Variants in LDHC observed in about 807,000 individuals in gnomAD.
LDHC encodes the protein L-lactate dehydrogenase C chain.
In LDHC, 20 loss-of-function variants were observed where a neutral mutation model predicts 30.2. The observed-to-expected ratio is 0.66, with a 90% confidence interval of 0.47 to 0.96. The LOEUF (loss-of-function observed/expected upper bound fraction) is 0.96. Among genes scored for constraint, LDHC ranks in the 40% least tolerant of loss-of-function variants. The probability of loss-of-function intolerance (pLI) is 0.00; values close to 1 mark genes in which losing one functional copy is unlikely to be tolerated. For missense variants in LDHC, 362 were observed against 394.9 expected, an observed-to-expected ratio of 0.92 and a Z score of 0.71; for synonymous variants, 139 against 132.7, an observed-to-expected ratio of 1.05 and a Z score of -0.32.
At chr11:18,429,116 C>CTTTTTTTTTTTTTTTTTT in intron 3 of LDHC, among the ~76,000 whole-genome samples, 1 of 93,924 alleles carries the variant, frequency 1.1e-5, no homozygotes, top group Non-Finnish European at 1.9e-5. Context: ...TCATTTTGGT[C>CTTTTTTTTTTTTTTTTTT]TTTTTTTTTT....
intron 6 of LDHC, among the ~76,000 whole-genome samples, chr11:18,442,993 G>A (rs983661988): frequency 6.6e-6 from 1 of 151,952 alleles, no homozygotes; most frequent in Non-Finnish European, 1.5e-5. Context: ...ATTTCCATAA[G>A]TATCACATCA....
At position 18,412,706 on chromosome 11, in the gene LDHC, C is replaced by T. The variant is rs1197845003; in HGVS notation, c.-9-3C>T. ...TCCAATGAAATTGCATTATCCCTAT[C>T]AGGTTCTCCAAATGTCAACTGTCAA... is the stretch of plus-strand genomic sequence containing the variant. On this transcript the variant is annotated splice_polypyrimidine_tract_variant and splice_region_variant and intron_variant, in intron 1 of 7. Transcript: ENST00000541669. The T allele has an allele frequency of 1.2e-6, 2 of 1,612,332 alleles. No individual in the cohort carries two copies. Among genetic ancestry groups the T allele is most frequent in the East Asian group, 4.5e-5 (2 of 44,866 alleles).
intron 7 of LDHC, 47 bp from the exon 8 acceptor site, chr11:18,450,916 C>G (rs1439157598): frequency 7.1e-7 from 1 of 1,410,754 alleles, no homozygotes; most frequent in Admixed American, 2.3e-5. Context: ...TGCATAGCTG[C>G]TTTTCCATAT....
chr11:18,432,343 A>G (rs112088302), intron 4 of LDHC, among the ~76,000 whole-genome samples: 2,042 of 151,958 alleles, frequency 0.013, 52 homozygotes, highest in African/African-American at 0.046. Flanking sequence ...TATAATTTCA[A>G]TTTTCTTAAA....
intron 2 of LDHC, among the ~76,000 whole-genome samples, chr11:18,413,961 G>T (rs113143983): frequency 6.6e-6 from 1 of 152,178 alleles, no homozygotes; most frequent in African/African-American, 2.4e-5. Context: ...AGGTACTACC[G>T]GATTCTGAAG....
At chr11:18,421,895 G>A (rs929513513) in intron 3 of LDHC, among the ~76,000 whole-genome samples, 1 of 151,792 alleles carries the variant, frequency 6.6e-6, no homozygotes, top group Non-Finnish European at 1.5e-5. Flanking sequence ...AGGCCAACGC[G>A]GGCGAATCAT....
intron 7 of LDHC, among the ~76,000 whole-genome samples, chr11:18,449,910 A>T (rs1316696278): frequency 6.6e-6 from 1 of 152,098 alleles, no homozygotes. Context: ...CATTCCTGGT[A>T]ACTGTTTATA....
At chr11:18,435,570 C>A (rs1848342686) in intron 5 of LDHC, among the ~76,000 whole-genome samples, 1 of 152,066 alleles carries the variant, frequency 6.6e-6, no homozygotes, top group Admixed American at 6.6e-5. Context: ...AACCTCTTTT[C>A]TTTGTAAGTT....
chr11:18,434,861 C>A lies in LDHC; in HGVS notation c.540C>A (p.Val180=). The A allele has an allele frequency of 1.2e-6, 2 of 1,612,918 alleles. No homozygotes were observed. Among genetic ancestry groups the A allele is most frequent in the Non-Finnish European group, 1.7e-6 (2 of 1,178,934 alleles). The change falls in exon 5 of 8, where the codon GTC becomes GTA. Residue 180 remains valine (V), a synonymous_variant. Transcript: ENST00000541669. The part of the protein sequence containing the change: ...FRYLIGEKLG[V]HPTSCHGWII... ...ACCTAATTGGAGAAAAGTTGGGTGT[C>A]CACCCCACAAGCTGCCATGGTTGGA...
At chr11:18,439,563 CAAA>C (rs34511927) in intron 6 of LDHC, among the ~76,000 whole-genome samples, 29 of 59,354 alleles carry the variant, frequency 4.9e-4, no homozygotes, top group African/African-American at 1.5e-3. Context: ...AACTCCATCT[CAAA>C]AAAAAAAAAA....
chr11:18,433,193 C>T (rs1848298351), intron 4 of LDHC, among the ~76,000 whole-genome samples: 1 of 152,100 alleles, frequency 6.6e-6, no homozygotes, highest in Non-Finnish European at 1.5e-5. Context: ...CAAGACCAGC[C>T]TGCCCAACAT....
chr11:18,423,040 G>A (rs1265069103), intron 3 of LDHC, among the ~76,000 whole-genome samples: 1 of 151,560 alleles, frequency 6.6e-6, no homozygotes, highest in Admixed American at 6.6e-5. Context: ...ATAAATGAGG[G>A]GAGGCTGGGC....
chr11:18,413,903 A>G (rs1195115244), intron 2 of LDHC, among the ~76,000 whole-genome samples: 1 of 152,266 alleles, frequency 6.6e-6, no homozygotes. Context: ...GTAAGCAGAA[A>G]AAGACGAAAT....
intron 6 of LDHC, among the ~76,000 whole-genome samples, chr11:18,440,200 G>A (rs1848440944): frequency 6.6e-6 from 1 of 150,400 alleles, no homozygotes; most frequent in Non-Finnish European, 1.5e-5. Flanking sequence ...TGTAATCCCA[G>A]CTACTCAGGA....
At chr11:18,430,185 A>G (rs1424694617) in intron 4 of LDHC, among the ~76,000 whole-genome samples, 1 of 152,170 alleles carries the variant, frequency 6.6e-6, no homozygotes, top group Non-Finnish European at 1.5e-5. Flanking sequence ...TTTTATATGA[A>G]TGAAATCATG....
intron 5 of LDHC, among the ~76,000 whole-genome samples, chr11:18,436,546 G>A (rs1042029556): frequency 3.5e-5 from 5 of 143,656 alleles, no homozygotes; most frequent in Non-Finnish European, 7.5e-5. Flanking sequence ...GAGTGCAATG[G>A]TGTGATCTCG....
At chr11:18,416,676 CCCCTTCCCTTCCATCTTCCCCTT>C (rs1867028101) in intron 3 of LDHC, among the ~76,000 whole-genome samples, 1 of 150,880 alleles carries the variant, frequency 6.6e-6, no homozygotes, top group Admixed American at 6.6e-5. Flanking sequence ...CCATCCCTTC[CCCCTTCCCTTCCATCTTCCCCTT>C]CCCTTCCTTT....
intron 6 of LDHC, among the ~76,000 whole-genome samples, chr11:18,439,829 A>C (rs111958717): frequency 7.8e-5 from 9 of 114,844 alleles, no homozygotes; most frequent in South Asian, 2.7e-4. Flanking sequence ...AAAAAAAAAA[A>C]AAAAAAACAA....
chr11:18,443,460 CTTTT>C (rs34546967), intron 6 of LDHC, among the ~76,000 whole-genome samples: 2 of 135,740 alleles, frequency 1.5e-5, no homozygotes, highest in African/African-American at 2.8e-5. Context: ...TTCTTTCTTT[CTTTT>C]TTTTTTTTTT....
Sources: allele counts gnomAD v4.1 joint callset (sites outside exome capture counted in the v4.1 genomes callset), GRCh38; gene constraint gnomAD v4.1.1; transcripts MANE v1.5; gene names NCBI Gene and HGNC (gene_info 2026-07-23, HGNC 2026-07-21).